Variants in TTC29 observed in about 807,000 individuals in gnomAD.
The protein encoded by TTC29 is tetratricopeptide repeat protein 29.
A neutral mutation model predicts 58.1 loss-of-function variants in TTC29; 49 were observed. That is an observed-to-expected ratio of 0.84 (90% CI 0.67 to 1.07). TTC29 has a LOEUF of 1.07. Among genes scored for constraint, TTC29 ranks in the 50% least tolerant of loss-of-function variants. The probability of loss-of-function intolerance (pLI) is 0.00; values close to 1 mark genes in which losing one functional copy is unlikely to be tolerated. For missense variants in TTC29, 582 were observed against 555.6 expected, an observed-to-expected ratio of 1.05 and a Z score of -0.48; for synonymous variants, 209 against 196.8, an observed-to-expected ratio of 1.06 and a Z score of -0.52.
At chr4:146,742,211 T>C (rs1745203182) in intron 11 of TTC29, among the ~76,000 whole-genome samples, 1 of 152,100 alleles carries the variant, frequency 6.6e-6, no homozygotes, top group Non-Finnish European at 1.5e-5. Flanking sequence ...TGCTCAAGGG[T>C]ATAACTGGAC....
intron 6 of TTC29, among the ~76,000 whole-genome samples, chr4:146,901,740 C>T (rs915143418): frequency 4.6e-5 from 7 of 152,184 alleles, no homozygotes; most frequent in African/African-American, 1.7e-4. Flanking sequence ...TAGATAAGCA[C>T]CTTATATAAA....
At chr4:146,913,238 A>T (rs1402422079) in intron 4 of TTC29, among the ~76,000 whole-genome samples, 1 of 152,188 alleles carries the variant, frequency 6.6e-6, no homozygotes, top group African/African-American at 2.4e-5. Flanking sequence ...AATTATAAAT[A>T]GATAAAAATT....
chr4:146,720,879 A>G (rs1031776274), intron 11 of TTC29, among the ~76,000 whole-genome samples: 35 of 152,256 alleles, frequency 2.3e-4, no homozygotes, highest in African/African-American at 7.5e-4. Context: ...GATAATCTCT[A>G]TTCATTTGTC....
intron 11 of TTC29, among the ~76,000 whole-genome samples, chr4:146,719,336 T>G (rs1209796496): frequency 6.6e-6 from 1 of 152,002 alleles, no homozygotes; most frequent in Non-Finnish European, 1.5e-5. Context: ...TTTGTACAGA[T>G]AAGGAAACAA....
intron 10 of TTC29, among the ~76,000 whole-genome samples, chr4:146,809,814 G>A (rs1300046507): frequency 1.3e-5 from 2 of 149,942 alleles, no homozygotes; most frequent in Non-Finnish European, 3.0e-5. Flanking sequence ...ATCCGTTGGT[G>A]GGCGTGTAAA....
chr4:146,945,390 A>T (rs967500810), intron 1 of TTC29: 6 of 152,238 alleles, frequency 3.9e-5, no homozygotes. Flanking sequence ...ATCTTTGCCA[A>T]AAACGGAGAG....
rs532081059 is a variant in TTC29, at chr4:146,725,707, T to A, written c.1331-18156A>T. Among the ~76,000 whole-genome samples, 4 of 152,322 alleles carry A rather than the reference T, an allele frequency of 2.6e-5. No individual in the cohort carries two copies. In the East Asian group the frequency reaches 7.7e-4, roughly 29 times the overall value. ...TCTTTCATCAAGGTGTTTGCCTGCA[T>A]CATTCTTGCCATCTTCTGATCTAAG... is the stretch of plus-strand genomic sequence containing the variant. On this transcript the variant is annotated intron_variant, in intron 11 of 12. Transcript: ENST00000325106.
chr4:146,775,677 C>G (rs920287093), intron 11 of TTC29, among the ~76,000 whole-genome samples: 1 of 151,866 alleles, frequency 6.6e-6, no homozygotes, highest in Admixed American at 6.6e-5. Flanking sequence ...CTCTGTCTGC[C>G]CTTTACATTT....
chr4:146,804,632 G>T (rs959591156), intron 10 of TTC29, among the ~76,000 whole-genome samples: 3 of 152,080 alleles, frequency 2.0e-5, no homozygotes, highest in African/African-American at 7.2e-5. Context: ...GTTCCAACTG[G>T]GTGGAGCACA....
rs144271869 is a variant in TTC29 at position 146,928,672 on chromosome 4, T to C, written c.176+8922A>G. On this transcript the variant is annotated intron_variant, in intron 4 of 12. Transcript: ENST00000325106. ...TATCTATTCCTTTACTAAGTTCCCA[T>C]GTTTACTCCGTCGGTAAACTCTGAT... 5.1e-3 allele frequency among the ~76,000 whole-genome samples: 771 copies of C among 152,348 alleles called. 8 individuals are homozygous for C. Among genetic ancestry groups the C allele is most frequent in the African/African-American group, 0.018 (740 of 41,582 alleles).
rs574849522 is a variant in TTC29, at chr4:146,880,676, T to A, written c.587-5748A>T. Among the ~76,000 whole-genome samples, 9 of 152,234 alleles carry A rather than the reference T, an allele frequency of 5.9e-5. No homozygotes were observed. In the East Asian group the frequency reaches 1.2e-3, roughly 20 times the overall value. On this transcript the variant is annotated intron_variant, in intron 6 of 12. Coordinates refer to ENST00000325106, the MANE Select transcript of TTC29 (RefSeq NM_031956.4). ...GATCTCTCCCATTTTAGCTTTTTTT[T>A]AAAGTAGGAAGATTGACTAGATATT...
At position 146,874,929 on chromosome 4, in the gene TTC29, C is replaced by G. The variant is rs1490283123; in HGVS notation, c.587-1G>C. The G allele has an allele frequency of 6.2e-7, 1 of 1,612,354 alleles. No homozygotes were observed. Among genetic ancestry groups the G allele is most frequent in the African/African-American group, 1.3e-5 (1 of 74,962 alleles). ...TGCTCAGCAGCTTCCAGAAGCTGAC[C>G]TGGAGAATAAAAGCCATTCATAAGT... On this transcript the variant is annotated splice_acceptor_variant, in intron 6 of 12. Coordinates refer to ENST00000325106, the MANE Select transcript of TTC29 (RefSeq NM_031956.4). LOFTEE classifies it high-confidence loss of function.
chr4:146,770,833 G>A (rs1747670669), intron 11 of TTC29, among the ~76,000 whole-genome samples: 1 of 152,030 alleles, frequency 6.6e-6, no homozygotes, highest in Non-Finnish European at 1.5e-5. Context: ...CTTGATGTCA[G>A]GCAGTATTCA....
At chr4:146,821,165 C>T (rs1279153113) in intron 9 of TTC29, among the ~76,000 whole-genome samples, 1 of 152,114 alleles carries the variant, frequency 6.6e-6, no homozygotes, top group African/African-American at 2.4e-5. Context: ...ATGGCAAATC[C>T]ATGAGATGGA....
At chr4:146,921,088 A>G (rs1464146522) in intron 4 of TTC29, among the ~76,000 whole-genome samples, 1 of 151,450 alleles carries the variant, frequency 6.6e-6, no homozygotes, top group Non-Finnish European at 1.5e-5. Flanking sequence ...TGTGCTCTTT[A>G]ATTACCGTTG....
chr4:146,844,762 C>G (rs181820796), intron 8 of TTC29, among the ~76,000 whole-genome samples: 14 of 152,198 alleles, frequency 9.2e-5, no homozygotes, highest in African/African-American at 3.1e-4. Flanking sequence ...GAATGAGTAG[C>G]CAATTCATTG....
intron 8 of TTC29, among the ~76,000 whole-genome samples, chr4:146,866,567 G>T (rs1579862853): frequency 1.3e-5 from 2 of 152,110 alleles, no homozygotes; most frequent in African/African-American, 4.8e-5. Flanking sequence ...CCCCTCAAGA[G>T]AAGTGTGCAT....
rs529474967 is a variant in TTC29 at position 146,720,215 on chromosome 4, T to C, written c.1331-12664A>G. On this transcript the variant is annotated intron_variant, in intron 11 of 12. Coordinates refer to ENST00000325106, the MANE Select transcript of TTC29 (RefSeq NM_031956.4). ...AATATCAGATTGATCAAAAAAGGAT[T>C]TAGTAAGACTCTAAGATGTAAAATA... 4.2e-4 allele frequency among the ~76,000 whole-genome samples: 64 copies of C among 152,262 alleles called. 2 individuals are homozygous for C. The South Asian group carries it at 0.013, about 31-fold the overall frequency.
intron 11 of TTC29, among the ~76,000 whole-genome samples, chr4:146,758,834 C>A (rs547300727): frequency 6.6e-6 from 1 of 152,106 alleles, no homozygotes; most frequent in South Asian, 2.1e-4. Context: ...TGGGATACAG[C>A]AAAGGCAGTG....
Sources: allele counts gnomAD v4.1 joint callset (sites outside exome capture counted in the v4.1 genomes callset), GRCh38; gene constraint gnomAD v4.1.1; transcripts MANE v1.5; gene names NCBI Gene and HGNC (gene_info 2026-07-23, HGNC 2026-07-21).